The following STRADA variants were observed in gnomAD, a reference collection of about 807,000 sequenced individuals.
STRADA encodes the protein STE20 related adaptor alpha.
STRADA carries 26 observed loss-of-function variants against 55.0 expected under a neutral mutation model. That is an observed-to-expected ratio of 0.47 (90% confidence interval 0.35 to 0.66). The LOEUF is 0.66. Among genes scored for constraint, STRADA ranks in the 30% least tolerant of loss-of-function variants. The probability of loss-of-function intolerance (pLI) is 0.01; values close to 1 mark genes in which losing one functional copy is unlikely to be tolerated. For synonymous variants in STRADA, 197 were observed against 210.9 expected (o/e 0.93, Z 0.57); for missense variants, 443 against 549.7 (o/e 0.81, Z 1.94).
intron 4 of STRADA, among the ~76,000 whole-genome samples, chr17:63,720,216 C>A (rs2037202869): frequency 6.6e-6 from 1 of 151,558 alleles, no homozygotes; most frequent in Non-Finnish European, 1.5e-5. Flanking sequence ...ACTCTGTCTC[C>A]CAAGCTGGAG....
intron 12 of STRADA, 61 bp from the exon 13 acceptor site, chr17:63,703,812 G>A (rs1159027458): frequency 2.5e-6 from 4 of 1,608,548 alleles, no homozygotes; most frequent in South Asian, 1.1e-5. Flanking sequence ...GGACACCATG[G>A]GGCAAGGAAC....
intron 1 of STRADA, among the ~76,000 whole-genome samples, chr17:63,738,946 T>C (rs2038656541): frequency 6.6e-6 from 1 of 151,502 alleles, no homozygotes; most frequent in African/African-American, 2.4e-5. Flanking sequence ...GGTCAGGAGA[T>C]CGAGACCATC....
At chr17:63,730,850 T>C (rs2037989802) in intron 1 of STRADA, among the ~76,000 whole-genome samples, 1 of 152,068 alleles carries the variant, frequency 6.6e-6, no homozygotes, top group Admixed American at 6.6e-5. Flanking sequence ...TGCGAGCCAC[T>C]GCGCCTGGTC....
chr17:63,737,847 T>C (rs1221249814), intron 1 of STRADA, among the ~76,000 whole-genome samples: 1 of 151,196 alleles, frequency 6.6e-6, no homozygotes, highest in Non-Finnish European at 1.5e-5. Context: ...ACTGGCCAGG[T>C]GTGGTGGCAT....
intron 4 of STRADA, 100 bp from the exon 5 acceptor site, chr17:63,714,208 A>T (rs1167020790): frequency 1.3e-6 from 1 of 798,680 alleles, no homozygotes; most frequent in South Asian, 1.4e-5. Context: ...ACTGGCATCT[A>T]AACACACACA....
chr17:63,735,373 G>A (rs6504178), intron 1 of STRADA, among the ~76,000 whole-genome samples: 106,534 of 152,116 alleles, frequency 0.7, 38,734 homozygotes, highest in African/African-American at 0.92. Flanking sequence ...AACTTGATCA[G>A]CATACTTTGG....
chr17:63,734,986 C>T (rs1439125674), intron 1 of STRADA, among the ~76,000 whole-genome samples: 1 of 151,968 alleles, frequency 6.6e-6, no homozygotes, highest in Non-Finnish European at 1.5e-5. Context: ...GGAGAAACCC[C>T]GTCTCTAATA....
chr17:63,728,153 T>G, intron 2 of STRADA, 181 bp downstream of exon 2: 2 of 542,556 alleles, frequency 3.7e-6, no homozygotes, highest in Admixed American at 3.6e-5. Context: ...GTGTCTCTGG[T>G]CAGCCTCTGT....
chr17:63,710,742 G>A lies in STRADA; in HGVS notation c.443C>T (p.Ser148Leu), dbSNP rs1177954505. 1 of 1,614,180 alleles carries A rather than the reference G, an allele frequency of 6.2e-7. No individual in the cohort carries two copies. Among genetic ancestry groups the A allele is most frequent in the South Asian group, 1.1e-5 (1 of 91,084 alleles). The change falls in exon 7 of 13, where the codon TCA becomes TTA. Residue 148 changes from serine (S) to leucine (L), a missense_variant. Coordinates refer to ENST00000336174, the MANE Select transcript of STRADA (RefSeq NM_001003787.4). ...IADNELWVVT[S>L]FMAYGSAKDL... ...TTCCCACTCACCGTATGCCATGAATGATGTGACAACCCACAGCTCATTGTC... is the reference window on the plus strand; with the variant it reads ...TTCCCACTCACCGTATGCCATGAATAATGTGACAACCCACAGCTCATTGTC...
At chr17:63,735,785 T>C (rs73324233) in intron 1 of STRADA, among the ~76,000 whole-genome samples, 2,857 of 152,250 alleles carry the variant, frequency 0.019, 81 homozygotes, top group African/African-American at 0.065. Context: ...ACGGCAGATA[T>C]GCCCAGCAGA....
chr17:63,708,038 G>C (rs537761351), intron 8 of STRADA, among the ~76,000 whole-genome samples: 1 of 151,798 alleles, frequency 6.6e-6, no homozygotes, highest in Non-Finnish European at 1.5e-5. Flanking sequence ...CGCTGGGCCC[G>C]CCCAACTAAT....
intron 3 of STRADA, chr17:63,726,308 TTTGTC>T (rs1012149062): frequency 6.6e-5 from 15 of 226,298 alleles, no homozygotes; most frequent in African/African-American, 3.2e-4. Context: ...CATTGCTTCC[TTTGTC>T]TTGACAATTA....
rs112917535 is a variant in STRADA, at chr17:63,728,433, A to G, written c.-44-20T>C. 21 of 1,415,190 alleles carry G rather than the reference A, an allele frequency of 1.5e-5. No homozygotes were observed. The African/African-American group carries it at 2.5e-4, about 17-fold the overall frequency. The allele number at this position is 1,415,190 out of a possible 1,614,324, so 87.7% of individuals were successfully genotyped here. On this transcript the variant is annotated intron_variant, in intron 1 of 12. Transcript: ENST00000336174. ...TTAAACCTAAAAGGAAAATAGAAAC[A>G]GGTTGAGTTAGCAAAAATCTCCTTA...
intron 9 of STRADA, among the ~76,000 whole-genome samples, chr17:63,706,986 T>C (rs1310525038): frequency 1.3e-5 from 2 of 152,124 alleles, no homozygotes; most frequent in African/African-American, 2.4e-5. Flanking sequence ...CAGCAAACAT[T>C]TCCAAAATGC....
At chr17:63,735,103 C>T (rs1383930201) in intron 1 of STRADA, among the ~76,000 whole-genome samples, 5 of 152,062 alleles carry the variant, frequency 3.3e-5, no homozygotes, top group Admixed American at 2.0e-4. Context: ...TGCAGTGGGC[C>T]GAGATCGTGC....
intron 1 of STRADA, among the ~76,000 whole-genome samples, chr17:63,740,901 A>G (rs2038892668): frequency 6.6e-6 from 1 of 152,160 alleles, no homozygotes; most frequent in South Asian, 2.1e-4. Context: ...GCAGGTGATC[A>G]AATTTGGTTT....
intron 4 of STRADA, chr17:63,719,265 T>C (rs1191039796): frequency 6.6e-6 from 1 of 152,220 alleles, no homozygotes; most frequent in East Asian, 1.9e-4. Context: ...GATTCCTGCA[T>C]GTGAGAAAGT....
Position 63,723,337 on chromosome 17 carries a change from G to T in STRADA, c.95-11C>A. The T allele has an allele frequency of 6.2e-7, 1 of 1,614,186 alleles. No individual in the cohort carries two copies. The highest frequency in any genetic ancestry group is 1.7e-5 in the Admixed American group (1 of 60,018). On this transcript the variant is annotated splice_polypyrimidine_tract_variant and intron_variant, in intron 3 of 12. Coordinates refer to ENST00000336174, the MANE Select transcript of STRADA (RefSeq NM_001003787.4). Reference sequence around the variant, plus strand: ...CACCCGGAGGCTGCTCTGGGGTAGAGAAATTGATTGTTGGCATTTTGTGTT... The same window carrying T: ...CACCCGGAGGCTGCTCTGGGGTAGATAAATTGATTGTTGGCATTTTGTGTT...
chr17:63,740,147 T>TACACACACACACACAC (rs57585655), intron 1 of STRADA, among the ~76,000 whole-genome samples: 6 of 67,004 alleles, frequency 9.0e-5, no homozygotes, highest in African/African-American at 3.4e-4. Context: ...TATATATATA[T>TACACACACACACACAC]ACACACACAC....
Sources: allele counts gnomAD v4.1 joint callset (sites outside exome capture counted in the v4.1 genomes callset), GRCh38; gene constraint gnomAD v4.1.1; transcripts MANE v1.5; gene names NCBI Gene and HGNC (gene_info 2026-07-23, HGNC 2026-07-21).